Variants in STXBP5L observed in about 807,000 individuals in gnomAD.
The protein encoded by STXBP5L is syntaxin-binding protein 5-like.
In STXBP5L, 65 loss-of-function variants were observed where a neutral mutation model predicts 144.5. The observed-to-expected ratio is 0.45, with a 90% confidence interval of 0.37 to 0.55. The LOEUF (loss-of-function observed/expected upper bound fraction) is 0.55, where lower values mean the gene tolerates loss of function less well. Ranked by LOEUF, STXBP5L falls within the 20% of genes least tolerant of loss-of-function variation. The probability of loss-of-function intolerance (pLI) is 0.00; values close to 1 mark genes in which losing one functional copy is unlikely to be tolerated. For missense variants in STXBP5L, 1,298 were observed against 1,405.5 expected, an observed-to-expected ratio of 0.92 and a Z score of 1.22; for synonymous variants, 505 against 469.6, an observed-to-expected ratio of 1.08 and a Z score of -0.97.
chr3:121,372,816 T>C (rs1461079317), intron 20 of STXBP5L, among the ~76,000 whole-genome samples: 2 of 152,082 alleles, frequency 1.3e-5, no homozygotes, highest in Non-Finnish European at 2.9e-5. Flanking sequence ...ATGCTTCTAT[T>C]TCTGTTGGAA....
intron 3 of STXBP5L, among the ~76,000 whole-genome samples, chr3:121,001,168 C>G (rs1431851071): frequency 4.6e-5 from 7 of 152,190 alleles, no homozygotes; most frequent in Non-Finnish European, 1.0e-4. Flanking sequence ...GGCATGTGTA[C>G]TGGCATAGCC....
intron 3 of STXBP5L, among the ~76,000 whole-genome samples, chr3:121,009,300 G>T (rs1245132980): frequency 6.6e-6 from 1 of 151,928 alleles, no homozygotes; most frequent in African/African-American, 2.4e-5. Context: ...TCATTCACAT[G>T]CTTCTTCCCC....
At chr3:121,323,769 A>C (rs374398199) in intron 20 of STXBP5L, among the ~76,000 whole-genome samples, 1 of 152,036 alleles carries the variant, frequency 6.6e-6, no homozygotes, top group Admixed American at 6.5e-5. Flanking sequence ...TTTCTCACCA[A>C]CTTGTACTGT....
At chr3:121,114,458 A>C (rs1456198748) in intron 5 of STXBP5L, among the ~76,000 whole-genome samples, 1 of 152,176 alleles carries the variant, frequency 6.6e-6, no homozygotes, top group Non-Finnish European at 1.5e-5. Context: ...GTAAATATTA[A>C]GTTTACGAAA....
intron 7 of STXBP5L, among the ~76,000 whole-genome samples, chr3:121,149,803 A>C (rs552610151): frequency 6.6e-4 from 100 of 152,172 alleles, no homozygotes; most frequent in African/African-American, 2.4e-3. Flanking sequence ...TCGAATAAAT[A>C]AAAGGTGGTA....
intron 10 of STXBP5L, among the ~76,000 whole-genome samples, chr3:121,217,028 C>T (rs550386888): frequency 4.6e-5 from 7 of 152,230 alleles, no homozygotes; most frequent in African/African-American, 1.4e-4. Context: ...TGACGCCCCT[C>T]CCCCAACCAA....
chr3:121,357,845 A>C (rs1282919917), intron 20 of STXBP5L: 1 of 152,246 alleles, frequency 6.6e-6, no homozygotes, highest in Non-Finnish European at 1.5e-5. Flanking sequence ...ACGCATACAA[A>C]AGAGCCACAA....
intron 20 of STXBP5L, among the ~76,000 whole-genome samples, chr3:121,366,591 ATC>A (rs978922829): frequency 6.6e-6 from 1 of 152,066 alleles, no homozygotes; most frequent in Non-Finnish European, 1.5e-5. Context: ...TTTGCATGGA[ATC>A]TCTTTCTCCA....
chr3:121,201,763 G>C (rs1401044049), intron 9 of STXBP5L, among the ~76,000 whole-genome samples: 6 of 151,676 alleles, frequency 4.0e-5, no homozygotes, highest in African/African-American at 1.5e-4. Flanking sequence ...TTTTATTTAT[G>C]TGCTTATTAA....
At chr3:121,379,235 T>C (rs1004038469) in intron 21 of STXBP5L, among the ~76,000 whole-genome samples, 1 of 152,212 alleles carries the variant, frequency 6.6e-6, no homozygotes, top group Non-Finnish European at 1.5e-5. Context: ...AGATATTTAA[T>C]GTATTGCAAC....
At position 120,969,862 on chromosome 3, in the gene STXBP5L, CT is replaced by C. The variant is rs548112290; in HGVS notation, c.287+14828del. Among the ~76,000 whole-genome samples the C allele has an allele frequency of 1.4e-4, 22 of 151,986 alleles. No homozygotes were observed. In the South Asian group the frequency reaches 4.6e-3, roughly 32 times the overall value. On this transcript the variant is annotated intron_variant, in intron 3 of 26. Transcript: ENST00000471454. ...TTTCTGGTTGTTTTGTAGATACTTTCTTTCTGTTTTCCTCTGTTACTGTTTT... is the reference window on the plus strand; with the variant it reads ...TTTCTGGTTGTTTTGTAGATACTTTCTTCTGTTTTCCTCTGTTACTGTTTT...
intron 12 of STXBP5L, among the ~76,000 whole-genome samples, chr3:121,235,826 C>G (rs1315942409): frequency 7.2e-6 from 1 of 138,728 alleles, no homozygotes; most frequent in African/African-American, 2.6e-5. Flanking sequence ...AACACACACA[C>G]ACACACACAC....
rs544644862 is a variant in STXBP5L, at chr3:121,163,709, T to C, written c.877+6082T>C. Reference sequence around the variant, plus strand: ...GAAGTACTGGTTAATTACAGGCAGTTTGGAAGGTTTGATGCCCTGAATGAT... The same window carrying C: ...GAAGTACTGGTTAATTACAGGCAGTCTGGAAGGTTTGATGCCCTGAATGAT... On this transcript the variant is annotated intron_variant, in intron 9 of 26. Coordinates refer to ENST00000471454, the MANE Select transcript of STXBP5L (RefSeq NM_001308330.2). 3.3e-5 allele frequency among the ~76,000 whole-genome samples: 5 copies of C among 152,102 alleles called. No individual in the cohort carries two copies. The South Asian group carries it at 1.0e-3, about 32-fold the overall frequency.
At chr3:121,087,730 T>A (rs1267446490) in intron 5 of STXBP5L, among the ~76,000 whole-genome samples, 1 of 152,008 alleles carries the variant, frequency 6.6e-6, no homozygotes, top group Non-Finnish European at 1.5e-5. Flanking sequence ...GTTCTATTTG[T>A]TATTGCTCTG....
intron 5 of STXBP5L, among the ~76,000 whole-genome samples, chr3:121,073,203 G>A (rs2041878720): frequency 6.6e-6 from 1 of 152,164 alleles, no homozygotes; most frequent in Non-Finnish European, 1.5e-5. Flanking sequence ...GATACCCTGG[G>A]CCACACAATG....
intron 20 of STXBP5L, among the ~76,000 whole-genome samples, chr3:121,335,853 A>T (rs2044486718): frequency 6.6e-6 from 1 of 152,140 alleles, no homozygotes; most frequent in South Asian, 2.1e-4. Context: ...CTGGACATAG[A>T]AACCGGCAAA....
At chr3:121,376,235 C>T (rs1183155513) in intron 20 of STXBP5L, among the ~76,000 whole-genome samples, 1 of 152,200 alleles carries the variant, frequency 6.6e-6, no homozygotes, top group East Asian at 1.9e-4. Context: ...GTAATCTATA[C>T]AGCTAGTAAG....
chr3:121,245,348 A>G (rs556543964), intron 14 of STXBP5L, among the ~76,000 whole-genome samples: 2 of 144,076 alleles, frequency 1.4e-5, no homozygotes, highest in Non-Finnish European at 3.1e-5. Context: ...GTATGTCACT[A>G]AAAAAAAAAA....
Position 120,991,255 on chromosome 3 carries a change from G to C in STXBP5L, c.287+36218G>C, listed in dbSNP as rs1413601756. Among the ~76,000 whole-genome samples, 4 of 151,756 alleles carry C rather than the reference G, an allele frequency of 2.6e-5. No individual in the cohort carries two copies. The East Asian group carries it at 7.7e-4, about 29-fold the overall frequency. On this transcript the variant is annotated intron_variant, in intron 3 of 26. Transcript: ENST00000471454. Reference sequence around the variant, plus strand: ...ATGCTCATCATCACTGGCCATCAGAGAAATGCAAATCAAAACCACAATGAG... The same window carrying C: ...ATGCTCATCATCACTGGCCATCAGACAAATGCAAATCAAAACCACAATGAG...
Sources: allele counts gnomAD v4.1 joint callset (sites outside exome capture counted in the v4.1 genomes callset), GRCh38; gene constraint gnomAD v4.1.1; transcripts MANE v1.5; gene names NCBI Gene and HGNC (gene_info 2026-07-23, HGNC 2026-07-21).